The following SLIT2 variants were observed in gnomAD, a reference collection of about 807,000 sequenced individuals.
SLIT2 encodes slit homolog 2 protein.
In SLIT2, 41 loss-of-function variants were observed where a neutral mutation model predicts 185.7. The ratio of observed to expected loss-of-function variants is 0.22; its 90% CI spans 0.17 to 0.29. SLIT2 has a LOEUF of 0.29. Among genes scored for constraint, SLIT2 ranks in the 10% least tolerant of loss-of-function variants. SLIT2 has a pLI of 1.00. For synonymous variants in SLIT2, 693 were observed against 680.2 expected, an observed-to-expected ratio of 1.02 and a Z score of -0.29; for missense variants, 1,571 against 1,909.0, an observed-to-expected ratio of 0.82 and a Z score of 3.30.
At chr4:20,314,528 A>G (rs1054236840) in intron 4 of SLIT2, among the ~76,000 whole-genome samples, 2 of 152,202 alleles carry the variant, frequency 1.3e-5, no homozygotes, top group African/African-American at 4.8e-5. Flanking sequence ...TTAGTATTTT[A>G]GAAAGTGAAT....
intron 4 of SLIT2, among the ~76,000 whole-genome samples, chr4:20,321,528 C>T (rs888039439): frequency 7.2e-5 from 11 of 152,188 alleles, no homozygotes. Flanking sequence ...GAGACCTAAA[C>T]ACATAAAGGT....
rs141619561 is a variant in SLIT2 at position 20,466,637 on chromosome 4, C to G, written c.396-1115C>G. On this transcript the variant is annotated intron_variant, in intron 4 of 36. Coordinates refer to ENST00000504154, the MANE Select transcript of SLIT2 (RefSeq NM_004787.4). Reference sequence around the variant, plus strand: ...GTTCTCTCTCTCTCTGTTGCGTGGCCACAAATGTATGAACAAGAAACTCAG... The same window carrying G: ...GTTCTCTCTCTCTCTGTTGCGTGGCGACAAATGTATGAACAAGAAACTCAG... 8.9e-4 allele frequency among the ~76,000 whole-genome samples: 135 copies of G among 152,134 alleles called. 1 individual carries two copies. The highest frequency in any genetic ancestry group is 3.2e-3 in the African/African-American group (132 of 41,508).
intron 4 of SLIT2, among the ~76,000 whole-genome samples, chr4:20,367,141 A>T (rs1350618392): frequency 6.6e-6 from 1 of 152,194 alleles, no homozygotes; most frequent in Non-Finnish European, 1.5e-5. Flanking sequence ...TGGCTGCATC[A>T]TTCAAATTAC....
chr4:20,280,037 C>G (rs930454586), intron 4 of SLIT2, among the ~76,000 whole-genome samples: 3 of 151,994 alleles, frequency 2.0e-5, no homozygotes, highest in Non-Finnish European at 4.4e-5. Context: ...GGATCAGAAG[C>G]CAAAAGGCTT....
At chr4:20,580,960 G>T (rs1726510048) in intron 29 of SLIT2, among the ~76,000 whole-genome samples, 1 of 152,060 alleles carries the variant, frequency 6.6e-6, no homozygotes, top group Non-Finnish European at 1.5e-5. Context: ...ATGAAAAAAA[G>T]AAAAAGAAAA....
intron 4 of SLIT2, among the ~76,000 whole-genome samples, chr4:20,367,971 G>A (rs1476055954): frequency 6.6e-6 from 1 of 152,066 alleles, no homozygotes; most frequent in Admixed American, 6.6e-5. Flanking sequence ...AGATTGATTA[G>A]TTTCCAAAGA....
chr4:20,463,702 A>G (rs1380660877), intron 4 of SLIT2, among the ~76,000 whole-genome samples: 2 of 150,308 alleles, frequency 1.3e-5, no homozygotes, highest in Admixed American at 6.6e-5. Context: ...GCAAAACCCC[A>G]TCTGTACTAA....
At chr4:20,595,581 A>G (rs997549999) in intron 30 of SLIT2, 116 bp from the exon 31 acceptor site, 6 of 1,296,002 alleles carry the variant, frequency 4.6e-6, no homozygotes, top group Middle Eastern at 1.9e-4. Context: ...TGGGGGCTCT[A>G]TGAGCCTATT....
intron 4 of SLIT2, among the ~76,000 whole-genome samples, chr4:20,421,349 C>T (rs1466863641): frequency 1.3e-5 from 2 of 152,130 alleles, no homozygotes; most frequent in Non-Finnish European, 2.9e-5. Context: ...TTTGTAGTAA[C>T]ATTTAAAAAT....
intron 4 of SLIT2, among the ~76,000 whole-genome samples, chr4:20,440,572 G>A (rs1445280361): frequency 2.0e-5 from 3 of 151,902 alleles, no homozygotes; most frequent in East Asian, 1.9e-4. Context: ...AGAAAACAAC[G>A]CAATGAATAA....
At chr4:20,511,375 T>C (rs1719693605) in intron 11 of SLIT2, among the ~76,000 whole-genome samples, 1 of 151,584 alleles carries the variant, frequency 6.6e-6, no homozygotes, top group Non-Finnish European at 1.5e-5. Flanking sequence ...ATTTTGCTGT[T>C]AGGAGAGCAA....
intron 11 of SLIT2, among the ~76,000 whole-genome samples, chr4:20,516,355 G>A (rs888395676): frequency 2.7e-5 from 4 of 149,554 alleles, no homozygotes; most frequent in East Asian, 1.9e-4. Flanking sequence ...ATAATAGTAC[G>A]TATGTATATA....
chr4:20,379,932 G>A lies in SLIT2; in HGVS notation c.396-87820G>A, dbSNP rs148794993. On this transcript the variant is annotated intron_variant, in intron 4 of 36. Coordinates refer to ENST00000504154, the MANE Select transcript of SLIT2 (RefSeq NM_004787.4). ...GGACGAGGCAGCTGGAATTTGAGGG[G>A]TAAAATAGCATAGAGGAAGAAACTA... is the stretch of plus-strand genomic sequence containing the variant. Among the ~76,000 whole-genome samples the A allele has an allele frequency of 2.0e-3, 304 of 152,184 alleles. 1 individual carries two copies. Among genetic ancestry groups the A allele is most frequent in the African/African-American group, 6.9e-3 (287 of 41,544 alleles).
chr4:20,541,971 A>T (rs748712101), intron 20 of SLIT2, among the ~76,000 whole-genome samples: 2 of 152,220 alleles, frequency 1.3e-5, no homozygotes, highest in Non-Finnish European at 2.9e-5. Flanking sequence ...GTTTTAGTAA[A>T]TCTGACAAAA....
chr4:20,533,500 T>C lies in SLIT2; in HGVS notation c.1689-72T>C, dbSNP rs1721985585. On this transcript the variant is annotated intron_variant, in intron 17 of 36. Coordinates refer to ENST00000504154, the MANE Select transcript of SLIT2 (RefSeq NM_004787.4). ...GAAAACTTGGATCATTAGAAGAAAA[T>C]TATCAACTATGTTTCAATTCCCACC... 3 of 1,198,498 alleles carry C rather than the reference T, an allele frequency of 2.5e-6. No homozygotes were observed. The South Asian group carries it at 4.2e-5, about 17-fold the overall frequency. 74.2% of individuals were successfully genotyped at this position (1,198,498 alleles called of 1,614,324 possible).
At chr4:20,529,826 T>G (rs1385445818) in intron 16 of SLIT2, among the ~76,000 whole-genome samples, 1 of 152,242 alleles carries the variant, frequency 6.6e-6, no homozygotes, top group Non-Finnish European at 1.5e-5. Flanking sequence ...CTCATCATTC[T>G]CTAAACATCT....
rs1711600359 is a variant in SLIT2 at position 20,254,821 on chromosome 4, C to A, written c.179+827C>A. On this transcript the variant is annotated intron_variant, in intron 1 of 36. Coordinates refer to ENST00000504154, the MANE Select transcript of SLIT2 (RefSeq NM_004787.4). The surrounding 1 kb of genome is among the most constrained non-coding windows in gnomAD (Gnocchi z 5.1). ...CCTGCTGAACCCCTGCGTCCCCATC[C>A]ACCTTTCTGGCAGTTTCTGCGCCCC... 4.7e-6 allele frequency: 2 copies of A among 422,944 alleles called. No individual in the cohort carries two copies. The highest frequency in any genetic ancestry group is 4.0e-5 in the African/African-American group (2 of 49,538). The allele number at this position is 422,944 out of a possible 1,614,324, so 26.2% of individuals were successfully genotyped here. A position where few individuals can be genotyped will look rare whatever the true frequency, so the allele number is the denominator to read the frequency against.
chr4:20,470,246 T>A (rs889398351), intron 5 of SLIT2, among the ~76,000 whole-genome samples: 1 of 152,176 alleles, frequency 6.6e-6, no homozygotes, highest in Non-Finnish European at 1.5e-5. Flanking sequence ...CAGGAAAGTG[T>A]AACATGAAAT....
intron 26 of SLIT2, among the ~76,000 whole-genome samples, chr4:20,555,540 T>C (rs1724174280): frequency 6.6e-6 from 1 of 152,064 alleles, no homozygotes; most frequent in Admixed American, 6.5e-5. Flanking sequence ...AAACATTCAA[T>C]ATGTTAGCTG....
Sources: allele counts gnomAD v4.1 joint callset (sites outside exome capture counted in the v4.1 genomes callset), GRCh38; gene constraint gnomAD v4.1.1; non-coding constraint Gnocchi (gnomAD v3.1); transcripts MANE v1.5; gene names NCBI Gene and HGNC (gene_info 2026-07-23, HGNC 2026-07-21).